Variants in PDZD9 observed in about 807,000 individuals in gnomAD.
The protein encoded by PDZD9 is PDZ domain-containing protein 9.
A neutral mutation model predicts 16.3 loss-of-function variants in PDZD9; 13 were observed. The ratio of observed to expected loss-of-function variants is 0.80; its 90% CI spans 0.52 to 1.27. The LOEUF is 1.27. PDZD9 is among the 50% of genes most tolerant of loss of function. The pLI is 0.00. For missense variants in PDZD9, 288 were observed against 310.9 expected (o/e 0.93, Z 0.55); for synonymous variants, 120 against 111.0 (o/e 1.08, Z -0.51).
the PDZD9 span, among the ~76,000 whole-genome samples, chr16:21,966,087 A>G: frequency 6.7e-6 from 1 of 149,936 alleles, no homozygotes; most frequent in South Asian, 2.2e-4. Flanking sequence ...GCCAAGACAG[A>G]GGGATCACTT....
At chr16:21,994,902 C>T (rs1004853093) in intron 2 of PDZD9, among the ~76,000 whole-genome samples, 16 of 151,746 alleles carry the variant, frequency 1.1e-4, no homozygotes, top group African/African-American at 2.9e-4. Context: ...ACAATCATAG[C>T]TCACTACAGC....
chr16:21,970,213 A>G, the PDZD9 span, among the ~76,000 whole-genome samples: 1 of 152,128 alleles, frequency 6.6e-6, no homozygotes, highest in Non-Finnish European at 1.5e-5. Flanking sequence ...ATTGATTGGC[A>G]TTTGGGTTGT....
chr16:21,969,792 C>G, the PDZD9 span, among the ~76,000 whole-genome samples: 17 of 151,864 alleles, frequency 1.1e-4, no homozygotes, highest in Middle Eastern at 3.4e-3. Context: ...ATCATCCCCC[C>G]AAAAGCCCCA....
At chr16:21,984,795 T>A in intron 3 of PDZD9, 135 bp from the exon 4 acceptor site, 1 of 595,570 alleles carries the variant, frequency 1.7e-6, no homozygotes, top group Non-Finnish European at 2.6e-6. Context: ...TCTGTGTCAT[T>A]GAAATGTTTC....
chr16:21,958,065 A>G, the PDZD9 span, among the ~76,000 whole-genome samples: 5 of 152,220 alleles, frequency 3.3e-5, no homozygotes, highest in Admixed American at 1.3e-4. Context: ...GTAACATGCA[A>G]ATATTCTGGC....
the PDZD9 span, chr16:21,974,087 T>C: frequency 2.1e-6 from 2 of 933,916 alleles, no homozygotes; most frequent in African/African-American, 1.7e-5. Flanking sequence ...CAATGACTTA[T>C]CAGAGCTCTG....
At chr16:21,965,546 A>G in the PDZD9 span, 1 of 1,449,108 alleles carries the variant, frequency 6.9e-7, no homozygotes, top group East Asian at 2.6e-5. Context: ...TGTTTTTCAC[A>G]TTAAATTGAA....
the PDZD9 span, among the ~76,000 whole-genome samples, chr16:21,967,703 G>A: frequency 6.6e-6 from 1 of 152,072 alleles, no homozygotes; most frequent in Non-Finnish European, 1.5e-5. Flanking sequence ...CAAGAATGGG[G>A]GACAGTGACC....
At chr16:21,979,459 A>C (rs1898663332), downstream of PDZD9, among the ~76,000 whole-genome samples, 1 of 152,210 alleles carries the variant, frequency 6.6e-6, no homozygotes, top group Middle Eastern at 3.2e-3. Context: ...AGCCTACTAC[A>C]CACATGGGCT....
chr16:21,962,672 T>C, the PDZD9 span: 1 of 1,599,462 alleles, frequency 6.3e-7, no homozygotes, highest in Non-Finnish European at 8.6e-7. Flanking sequence ...GACCTAAAGT[T>C]TCACATTGAG....
the PDZD9 span, chr16:21,971,937 C>T: frequency 6.2e-7 from 1 of 1,614,104 alleles, no homozygotes; most frequent in Non-Finnish European, 8.5e-7. Flanking sequence ...AATCCGAGAA[C>T]AGAATGGAGA....
the PDZD9 span, among the ~76,000 whole-genome samples, chr16:21,966,393 C>T: frequency 6.6e-6 from 1 of 152,028 alleles, no homozygotes; most frequent in Non-Finnish European, 1.5e-5. Flanking sequence ...AAACATGAAA[C>T]ATTGAATGCT....
rs1279685950 is a variant in PDZD9 at position 21,996,365 on chromosome 16, G to A, written c.168C>T (p.Leu56=). Reference sequence around the variant, plus strand: ...CGTTGGCTGCAGCCCCCTTCCTGATGAGGTGGGTGATCTGGAGGTAGGGTC... The same window carrying A: ...CGTTGGCTGCAGCCCCCTTCCTGATAAGGTGGGTGATCTGGAGGTAGGGTC... ...QHGPYLQITH[L]IRKGAAANDG... The change falls in exon 2 of 4, where the codon CTC becomes CTT. Residue 56 remains leucine, a synonymous_variant. Coordinates refer to ENST00000424898, the MANE Select transcript of PDZD9 (RefSeq NM_001363519.1). 1.3e-6 allele frequency: 2 copies of A among 1,536,100 alleles called. No homozygotes were observed. The highest frequency in any genetic ancestry group is 8.7e-7 in the Non-Finnish European group (1 of 1,146,890).
chr16:21,988,208 C>T (rs1233324690), intron 3 of PDZD9, among the ~76,000 whole-genome samples: 1 of 151,892 alleles, frequency 6.6e-6, no homozygotes, highest in East Asian at 1.9e-4. Context: ...CGGGGTTTCA[C>T]CATGTTGGCC....
the PDZD9 span, among the ~76,000 whole-genome samples, chr16:21,970,677 C>G: frequency 2.0e-5 from 3 of 152,156 alleles, no homozygotes; most frequent in African/African-American, 7.2e-5. Flanking sequence ...CCTCCACTTC[C>G]CAGGTTCAAG....
chr16:21,974,537 A>T, the PDZD9 span, among the ~76,000 whole-genome samples: 4 of 152,354 alleles, frequency 2.6e-5, no homozygotes, highest in South Asian at 6.2e-4. Flanking sequence ...TAGTTTCAGC[A>T]AGCTAGGACA....
At chr16:21,993,244 C>T (rs1048421380) in intron 2 of PDZD9, among the ~76,000 whole-genome samples, 2 of 152,118 alleles carry the variant, frequency 1.3e-5, no homozygotes, top group Non-Finnish European at 2.9e-5. Context: ...CTAACTATAG[C>T]CGTGCCATGA....
the PDZD9 span, chr16:21,972,178 A>G: frequency 6.5e-7 from 1 of 1,532,890 alleles, no homozygotes; most frequent in Non-Finnish European, 8.9e-7. Context: ...AGTATTTAAG[A>G]TATAATTCTG....
chr16:21,995,089 CT>C, intron 2 of PDZD9: 2 of 389,060 alleles, frequency 5.1e-6, no homozygotes, highest in South Asian at 3.8e-5. Flanking sequence ...GAGGAGGGGC[CT>C]GGGGGGAGGT....
Sources: allele counts gnomAD v4.1 joint callset (sites outside exome capture counted in the v4.1 genomes callset), GRCh38; gene constraint gnomAD v4.1.1; transcripts MANE v1.5; gene names NCBI Gene and HGNC (gene_info 2026-07-23, HGNC 2026-07-21).